NBEA: variants seen among roughly 807,000 people sequenced by gnomAD.
NBEA encodes lysosomal-trafficking regulator 2.
Under a neutral mutation model 343.4 loss-of-function variants are expected in NBEA, and 44 were observed. That is an observed-to-expected ratio of 0.13 (90% CI 0.10 to 0.16). The LOEUF (loss-of-function observed/expected upper bound fraction) is 0.16, where lower values mean the gene tolerates loss of function less well. NBEA is among the 10% of genes least tolerant of loss of function. The pLI, the probability that NBEA is intolerant of heterozygous loss-of-function variation, is 1.00. For missense variants in NBEA, 2,555 were observed against 3,631.3 expected (o/e 0.70, Z 7.62); for synonymous variants, 1,175 against 1,238.7 (o/e 0.95, Z 1.08).
chr13:35,165,516 A>G (rs2069941576), intron 24 of NBEA, among the ~76,000 whole-genome samples: 1 of 152,086 alleles, frequency 6.6e-6, no homozygotes, highest in Non-Finnish European at 1.5e-5. Flanking sequence ...AACAGTATAA[A>G]TTGTTGATGG....
chr13:35,453,946 A>T (rs188656967), intron 40 of NBEA, among the ~76,000 whole-genome samples: 12 of 152,344 alleles, frequency 7.9e-5, no homozygotes, highest in African/African-American at 2.6e-4. Flanking sequence ...ATCAAATTAT[A>T]TGGCTCCTGA....
At chr13:35,181,020 A>G (rs2071278455) in intron 28 of NBEA, among the ~76,000 whole-genome samples, 1 of 151,842 alleles carries the variant, frequency 6.6e-6, no homozygotes, top group Non-Finnish European at 1.5e-5. Flanking sequence ...TTTGTGGCTG[A>G]GTAGCATGAC....
chr13:35,497,749 G>A (rs1439982633), intron 41 of NBEA, among the ~76,000 whole-genome samples: 4 of 151,910 alleles, frequency 2.6e-5, no homozygotes, highest in Admixed American at 2.0e-4. Context: ...AGGTGTCTGG[G>A]AGATTTCAGA....
intron 55 of NBEA, among the ~76,000 whole-genome samples, chr13:35,661,129 G>A (rs1195649647): frequency 6.6e-6 from 1 of 152,176 alleles, no homozygotes; most frequent in African/African-American, 2.4e-5. Context: ...TTCAAGAAAG[G>A]TCTTTGGCCT....
At chr13:35,109,502 G>T (rs1272570914) in intron 12 of NBEA, 60 bp downstream of exon 12, 8 of 1,396,596 alleles carry the variant, frequency 5.7e-6, no homozygotes, top group Non-Finnish European at 6.6e-6. Flanking sequence ...ATAGTTGCTG[G>T]ATCTATAGTA....
chr13:35,310,236 A>G (rs1051302841), intron 36 of NBEA, among the ~76,000 whole-genome samples: 2 of 152,154 alleles, frequency 1.3e-5, no homozygotes, highest in African/African-American at 4.8e-5. Context: ...AAACTCAAAA[A>G]CAGGCTCTGT....
intron 35 of NBEA, among the ~76,000 whole-genome samples, chr13:35,307,405 GACTT>G (rs1248650976): frequency 6.6e-6 from 1 of 151,982 alleles, no homozygotes. Flanking sequence ...GCTTAGCTCA[GACTT>G]ACTTCTACTG....
intron 41 of NBEA, among the ~76,000 whole-genome samples, chr13:35,481,919 C>T (rs894254456): frequency 3.3e-5 from 5 of 151,722 alleles, no homozygotes; most frequent in African/African-American, 9.7e-5. Flanking sequence ...GAATCAGAAT[C>T]GATTAGTGTC....
chr13:35,595,703 T>A (rs902474493), intron 47 of NBEA, among the ~76,000 whole-genome samples: 2 of 151,976 alleles, frequency 1.3e-5, no homozygotes, highest in African/African-American at 4.8e-5. Context: ...GACAATATAC[T>A]TTTTTTATTT....
intron 1 of NBEA, among the ~76,000 whole-genome samples, chr13:35,010,741 A>AAATATATATATATAT: frequency 3.1e-5 from 1 of 31,956 alleles, no homozygotes; most frequent in African/African-American, 1.0e-4. Context: ...AAAAAAAAAA[A>AAATATATATATATAT]ATATATATAT....
At chr13:35,020,859 G>A (rs1337566256) in intron 1 of NBEA, among the ~76,000 whole-genome samples, 2 of 152,004 alleles carry the variant, frequency 1.3e-5, no homozygotes, top group African/African-American at 4.8e-5. Context: ...TTTATATGGG[G>A]GGAGGTGTCT....
chr13:35,407,370 C>G (rs1241683660), intron 38 of NBEA, among the ~76,000 whole-genome samples: 1 of 151,922 alleles, frequency 6.6e-6, no homozygotes, highest in Non-Finnish European at 1.5e-5. Context: ...GGAATGATAA[C>G]CAAGAGACAA....
At chr13:35,416,147 G>A (rs956003296) in intron 38 of NBEA, among the ~76,000 whole-genome samples, 2 of 152,002 alleles carry the variant, frequency 1.3e-5, no homozygotes, top group African/African-American at 4.8e-5. Flanking sequence ...GAGATGATGG[G>A]GTTTTCTAAA....
intron 39 of NBEA, among the ~76,000 whole-genome samples, chr13:35,436,778 T>A (rs2045468254): frequency 6.6e-6 from 1 of 152,022 alleles, no homozygotes; most frequent in Non-Finnish European, 1.5e-5. Context: ...CTGAAAACTT[T>A]GGTCAAAAAA....
At chr13:35,670,019 A>G (rs535509553) in intron 58 of NBEA, among the ~76,000 whole-genome samples, 33 of 152,306 alleles carry the variant, frequency 2.2e-4, no homozygotes, top group Non-Finnish European at 4.3e-4. Context: ...TTCTATTTCT[A>G]TTTTAACCTC....
At chr13:35,156,472 C>T (rs1355565792) in intron 20 of NBEA, among the ~76,000 whole-genome samples, 2 of 151,846 alleles carry the variant, frequency 1.3e-5, no homozygotes, top group African/African-American at 2.4e-5. Flanking sequence ...TGTAATATCC[C>T]TTTTAGTGGT....
chr13:35,294,493 G>A (rs890521386), intron 35 of NBEA, among the ~76,000 whole-genome samples: 2 of 152,084 alleles, frequency 1.3e-5, no homozygotes, highest in African/African-American at 2.4e-5. Flanking sequence ...CAGGGATGGA[G>A]TAGATGTTTT....
intron 1 of NBEA, among the ~76,000 whole-genome samples, chr13:35,018,908 G>C (rs1255749951): frequency 2.0e-5 from 3 of 152,080 alleles, no homozygotes; most frequent in Non-Finnish European, 4.4e-5. Flanking sequence ...TGAATATCTG[G>C]TTGAGGAAAT....
chr13:35,127,001 C>A (rs964227328), intron 17 of NBEA, among the ~76,000 whole-genome samples: 2 of 149,956 alleles, frequency 1.3e-5, no homozygotes, highest in Non-Finnish European at 3.0e-5. Flanking sequence ...TGGAACAAAA[C>A]GAATATTTAA....
Sources: allele counts gnomAD v4.1 joint callset (sites outside exome capture counted in the v4.1 genomes callset), GRCh38; gene constraint gnomAD v4.1.1; transcripts MANE v1.5; gene names NCBI Gene and HGNC (gene_info 2026-07-23, HGNC 2026-07-21).